USP7: variants seen among roughly 807,000 people sequenced by gnomAD.
USP7 encodes the protein ubiquitin C-terminal hydrolase 7.
A neutral mutation model predicts 162.9 loss-of-function variants in USP7; 9 were observed. That is an observed-to-expected ratio of 0.06 (90% confidence interval 0.03 to 0.10). The LOEUF (loss-of-function observed/expected upper bound fraction) is 0.10. Ranked by LOEUF, USP7 falls within the 10% of genes least tolerant of loss-of-function variation. USP7 has a pLI of 1.00. For synonymous variants in USP7, 562 were observed against 475.9 expected, an observed-to-expected ratio of 1.18 and a Z score of -2.35; for missense variants, 715 against 1,373.7, an observed-to-expected ratio of 0.52 and a Z score of 7.58.
chr16:8,931,016 A>C lies in USP7; in HGVS notation c.80-619T>G, dbSNP rs1352595930. 1.2e-4 allele frequency among the ~76,000 whole-genome samples: 18 copies of C among 152,152 alleles called. No homozygotes were observed. In the South Asian group the frequency reaches 3.7e-3, roughly 32 times the overall value. ...CCTTAGGTAGTTCTTACTTTACAAT[A>C]GCTAATCAGCGTAAAGAACCTTTAT... On this transcript the variant is annotated intron_variant, in intron 1 of 30. Coordinates refer to ENST00000344836, the MANE Select transcript of USP7 (RefSeq NM_003470.3).
chr16:8,947,735 CTT>C (rs1274304661), intron 1 of USP7, among the ~76,000 whole-genome samples: 1 of 152,120 alleles, frequency 6.6e-6, no homozygotes, highest in East Asian at 1.9e-4. Context: ...GGGGTGAAGT[CTT>C]TTAGGACTTC....
At chr16:8,950,402 G>GA (rs1275856980) in intron 1 of USP7, among the ~76,000 whole-genome samples, 1 of 152,112 alleles carries the variant, frequency 6.6e-6, no homozygotes, top group African/African-American at 2.4e-5. Flanking sequence ...CATCAAAAAA[G>GA]AATTACATTT....
intron 6 of USP7, among the ~76,000 whole-genome samples, chr16:8,918,677 C>T (rs945890251): frequency 6.6e-6 from 1 of 152,108 alleles, no homozygotes; most frequent in Non-Finnish European, 1.5e-5. Flanking sequence ...GCCGTGGTGG[C>T]GGGTGCCTGT....
intron 7 of USP7, among the ~76,000 whole-genome samples, 170 bp from the exon 8 acceptor site, chr16:8,916,726 G>T (rs552508816): frequency 6.6e-6 from 1 of 152,286 alleles, no homozygotes; most frequent in African/African-American, 2.4e-5. Flanking sequence ...TTACTGCTGG[G>T]GAAGTGGTGT....
At chr16:8,934,985 T>C (rs1898606939) in intron 1 of USP7, among the ~76,000 whole-genome samples, 1 of 152,252 alleles carries the variant, frequency 6.6e-6, no homozygotes, top group South Asian at 2.1e-4. Context: ...AAGCACAGGA[T>C]AGCCACACAC....
In USP7 at chr16:8,919,226, C is replaced by T. The variant is rs111457059; in HGVS notation, c.612-87G>A. The T allele has an allele frequency of 4.1e-4, 559 of 1,371,862 alleles. 1 individual carries two copies. In the African/African-American group the frequency reaches 5.7e-3, roughly 14 times the overall value. 85.0% of individuals were successfully genotyped at this position (1,371,862 alleles called of 1,614,324 possible). ...GTGAAGCAATCTGACTCAAGGTCAG[C>T]CTTAAGGAAACCGAGGCCAGGAACA... On this transcript the variant is annotated intron_variant, in intron 5 of 30. Transcript: ENST00000344836.
chr16:8,897,246 C>T (rs2061696642), intron 25 of USP7, 147 bp from the exon 26 acceptor site: 1 of 642,748 alleles, frequency 1.6e-6, no homozygotes, highest in Non-Finnish European at 2.7e-6. Flanking sequence ...CCCCAACTCC[C>T]TCATCTGTGA....
chr16:8,950,307 TA>T (rs951610516), intron 1 of USP7, among the ~76,000 whole-genome samples: 5 of 150,742 alleles, frequency 3.3e-5, no homozygotes, highest in Non-Finnish European at 7.4e-5. Flanking sequence ...TTTTCTGCTC[TA>T]AAAAAAAAGA....
Position 8,919,049 on chromosome 16 carries a change from G to A in USP7, c.702C>T (p.Phe234=). Reference sequence around the variant, plus strand: ...CATTTACCTTTCGTAGCTGATTCGTGAAAAATAACGTCTGTAGCAGGCTGT... The same window carrying A: ...CATTTACCTTTCGTAGCTGATTCGTAAAAAATAACGTCTGTAGCAGGCTGT... ...YMNSLLQTLF[F]TNQLRKAVYM... is the part of the protein sequence containing the mutation. The change falls in exon 6 of 31, where the codon TTC becomes TTT. Residue 234 remains phenylalanine, a synonymous_variant. Transcript: ENST00000344836. 2 of 1,613,770 alleles carry A rather than the reference G, an allele frequency of 1.2e-6. No homozygotes were observed. Among genetic ancestry groups the A allele is most frequent in the Middle Eastern group, 3.5e-4 (2 of 5,750 alleles).
chr16:8,961,997 A>AT (rs577930830), intron 1 of USP7, among the ~76,000 whole-genome samples: 224 of 152,190 alleles, frequency 1.5e-3, no homozygotes, highest in African/African-American at 5.0e-3. Context: ...CTGGCCAGCC[A>AT]TTTTTTCAGT....
chr16:8,908,831 A>G (rs1356043254), intron 11 of USP7, among the ~76,000 whole-genome samples: 1 of 152,230 alleles, frequency 6.6e-6, no homozygotes, highest in African/African-American at 2.4e-5. Context: ...ATGGAAAATC[A>G]GAAAACTCTG....
rs748840212 is a variant in USP7 at position 8,906,508 on chromosome 16, A to G, written c.1346T>C (p.Ile449Thr). 6.2e-7 allele frequency: 1 copy of G among 1,613,424 alleles called. No individual in the cohort carries two copies. The highest frequency in any genetic ancestry group is 2.2e-5 in the East Asian group (1 of 44,890). The part of the protein sequence containing the change: ...KTDPKDPANY[I>T]LHAVLVHSGD... ...ACTATGAACCAGGACTGCATGAAGA[A>G]TATAATTTGCAGGGTCCTTAGGATC... The change falls in exon 13 of 31, where the codon ATT (isoleucine) becomes ACT (threonine). Residue 449 changes from isoleucine (I) to threonine (T), a missense_variant. Physicochemically the swap from Ile to Thr is moderately conservative, Grantham distance 89. Coordinates refer to ENST00000344836, the MANE Select transcript of USP7 (RefSeq NM_003470.3).
intron 10 of USP7, among the ~76,000 whole-genome samples, chr16:8,914,835 C>T (rs2062003865): frequency 1.3e-5 from 2 of 152,192 alleles, no homozygotes; most frequent in Admixed American, 1.3e-4. Context: ...AGGAGGATCG[C>T]CTGAGTCCTG....
chr16:8,963,146 CT>C, intron 1 of USP7, 60 bp downstream of exon 1: 1 of 1,327,148 alleles, frequency 7.5e-7, no homozygotes, highest in South Asian at 1.5e-5. Context: ...GCTCCCGCGG[CT>C]CCCCCGGCCA....
At chr16:8,962,426 A>G (rs1298771263) in intron 1 of USP7, 1 of 424,636 alleles carries the variant, frequency 2.4e-6, no homozygotes, top group Non-Finnish European at 4.8e-6. Flanking sequence ...TATACCTCAA[A>G]CTACAGTGCC....
chr16:8,895,974 C>T (rs146124017), intron 26 of USP7, among the ~76,000 whole-genome samples: 133 of 151,844 alleles, frequency 8.8e-4, no homozygotes, highest in African/African-American at 2.9e-3. Flanking sequence ...GTAGTTGGGA[C>T]TACAGGTGCG....
At position 8,892,489 on chromosome 16, in the gene USP7, T is replaced by C. The variant is rs1310859090; in HGVS notation, c.*1509A>G. 6.6e-6 allele frequency: 1 copy of C among 152,056 alleles called. No individual in the cohort carries two copies. The highest frequency in any genetic ancestry group is 1.9e-4 in the East Asian group (1 of 5,184). The allele number at this position is 152,056 out of a possible 1,614,324, so 9.4% of individuals were successfully genotyped here. A position where few individuals can be genotyped will look rare whatever the true frequency, so the allele number is the denominator to read the frequency against. ...CAAGGACCACGCCCACGATAGCGCC[T>C]GCCGCCCCGAAGGGCCTCGTGACAC... is the stretch of plus-strand genomic sequence containing the variant. On this transcript the variant is annotated 3_prime_UTR_variant, in exon 31 of 31. Coordinates refer to ENST00000344836, the MANE Select transcript of USP7 (RefSeq NM_003470.3).
intron 1 of USP7, among the ~76,000 whole-genome samples, chr16:8,939,770 A>T (rs751807715): frequency 2.0e-5 from 3 of 152,220 alleles, no homozygotes; most frequent in Non-Finnish European, 4.4e-5. Context: ...AATAACTCCA[A>T]AACATTGTCA....
chr16:8,908,130 G>C (rs2061889345), intron 12 of USP7, among the ~76,000 whole-genome samples: 1 of 152,224 alleles, frequency 6.6e-6, no homozygotes. Context: ...AGCATCCTGA[G>C]AGGGGAAATG....
Sources: gnomAD v4.1 joint callset for allele counts (sites outside exome capture counted in the v4.1 genomes callset) on GRCh38, gnomAD v4.1.1 for gene constraint, MANE v1.5 for transcripts, NCBI Gene and HGNC (gene_info 2026-07-23, HGNC 2026-07-21) for gene names.